The following CD36 variants were observed in gnomAD, a reference collection of about 807,000 sequenced individuals.
CD36 encodes the protein platelet glycoprotein 4.
In CD36, 119 loss-of-function variants were observed where a neutral mutation model predicts 55.2. That is an observed-to-expected ratio of 2.15 (90% CI 1.86 to 2.51). The LOEUF is 2.51. Among genes scored for constraint, CD36 ranks in the 30% most tolerant of loss-of-function variants. The pLI is 0.00. For missense variants in CD36, 819 were observed against 555.5 expected (o/e 1.47, Z -4.77); for synonymous variants, 186 against 193.6 (o/e 0.96, Z 0.33).
intron 6 of CD36, among the ~76,000 whole-genome samples, chr7:80,663,501 A>T (rs552636681): frequency 6.6e-6 from 1 of 152,246 alleles, no homozygotes; most frequent in South Asian, 2.1e-4. Flanking sequence ...CTATTCACAT[A>T]ATCAAGTTTA....
chr7:80,657,467 C>T (rs1263699853), intron 4 of CD36, among the ~76,000 whole-genome samples: 1 of 152,150 alleles, frequency 6.6e-6, no homozygotes, highest in African/African-American at 2.4e-5. Flanking sequence ...TAGTTTAACA[C>T]ACTTTTGAAC....
upstream of CD36, among the ~76,000 whole-genome samples, chr7:80,636,031 A>G (rs1584335380): frequency 6.6e-6 from 1 of 152,160 alleles, no homozygotes; most frequent in Non-Finnish European, 1.5e-5. Context: ...TGCAAAGTTC[A>G]GTGGTGAATT....
intron 1 of CD36, among the ~76,000 whole-genome samples, chr7:80,611,569 C>G (rs182873748): frequency 6.6e-6 from 1 of 152,074 alleles, no homozygotes; most frequent in African/African-American, 2.4e-5. Flanking sequence ...TGTAGTGAAA[C>G]AAGTTCATTA....
At chr7:80,660,453 A>T (rs1796429512) in intron 4 of CD36, among the ~76,000 whole-genome samples, 1 of 152,160 alleles carries the variant, frequency 6.6e-6, no homozygotes. Context: ...AATATAAGAA[A>T]ATGTGCTCTA....
intron 8 of CD36, among the ~76,000 whole-genome samples, chr7:80,668,568 A>G (rs1314010307): frequency 6.6e-6 from 1 of 152,230 alleles, no homozygotes; most frequent in African/African-American, 2.4e-5. Context: ...CTCTGCAAAT[A>G]TCAACTATGT....
At chr7:80,658,034 C>T (rs1007265882) in intron 4 of CD36, among the ~76,000 whole-genome samples, 1 of 152,194 alleles carries the variant, frequency 6.6e-6, no homozygotes, top group African/African-American at 2.4e-5. Context: ...TACCATAGCA[C>T]ATGACATATA....
chr7:80,603,720 T>A (rs2115665264), intron 1 of CD36, among the ~76,000 whole-genome samples: 1 of 150,386 alleles, frequency 6.6e-6, no homozygotes, highest in South Asian at 2.1e-4. Flanking sequence ...ATAAAACAGT[T>A]TTCACCTGGG....
chr7:80,668,772 G>T (rs1456606629), intron 8 of CD36, among the ~76,000 whole-genome samples: 1 of 152,102 alleles, frequency 6.6e-6, no homozygotes, highest in East Asian at 1.9e-4. Context: ...TGAAAACAAG[G>T]TCACAAGGTT....
At chr7:80,614,601 C>T (rs1323752556) in intron 1 of CD36, among the ~76,000 whole-genome samples, 2 of 152,020 alleles carry the variant, frequency 1.3e-5, no homozygotes, top group South Asian at 4.1e-4. Context: ...ATCTTTGCTT[C>T]TTCTTCGCGG....
At chr7:80,637,322 G>A (rs752432438), upstream of CD36, among the ~76,000 whole-genome samples, 10 of 151,578 alleles carry the variant, frequency 6.6e-5, no homozygotes, top group African/African-American at 1.2e-4. Flanking sequence ...ATAAAAGGTC[G>A]CAGTTATTTA....
intron 1 of CD36, among the ~76,000 whole-genome samples, chr7:80,621,672 C>A (rs1192914299): frequency 6.6e-6 from 1 of 152,042 alleles, no homozygotes; most frequent in Admixed American, 6.6e-5. Flanking sequence ...ACTAGAGAAT[C>A]AAAATCATTT....
chr7:80,665,469 A>G (rs1014293349), intron 7 of CD36, among the ~76,000 whole-genome samples: 4 of 96,244 alleles, frequency 4.2e-5, no homozygotes, highest in Non-Finnish European at 1.3e-4. Context: ...CTAGTGGAGT[A>G]CTTTTTCTTC....
At chr7:80,669,562 G>C (rs1714979313) in intron 8 of CD36, among the ~76,000 whole-genome samples, 1 of 151,786 alleles carries the variant, frequency 6.6e-6, no homozygotes, top group South Asian at 2.1e-4. Context: ...CTGGGATTAC[G>C]AGCGCCTATC....
At chr7:80,608,982 GTCC>G (rs1792722781) in intron 1 of CD36, among the ~76,000 whole-genome samples, 1 of 146,088 alleles carries the variant, frequency 6.8e-6, no homozygotes, top group Non-Finnish European at 1.5e-5. Context: ...TTTGATAGGC[GTCC>G]TCTGGCCTTC....
At chr7:80,633,977 T>C (rs1794237188), upstream of CD36, among the ~76,000 whole-genome samples, 1 of 151,814 alleles carries the variant, frequency 6.6e-6, no homozygotes, top group African/African-American at 2.4e-5. Context: ...CTTAATGTAA[T>C]ATCAGGTTAA....
At chr7:80,650,151 A>C (rs772327237) in intron 3 of CD36, among the ~76,000 whole-genome samples, 1 of 151,924 alleles carries the variant, frequency 6.6e-6, no homozygotes, top group Non-Finnish European at 1.5e-5. Context: ...TACAACAGAG[A>C]CTCATAAAAA....
At chr7:80,674,861 A>G (rs925480218) in intron 14 of CD36, among the ~76,000 whole-genome samples, 3 of 152,112 alleles carry the variant, frequency 2.0e-5, no homozygotes, top group African/African-American at 7.2e-5. Context: ...ATAATAACTT[A>G]TTTAGTTGTT....
intron 1 of CD36, among the ~76,000 whole-genome samples, chr7:80,620,806 A>T (rs10480808): frequency 0.47 from 70,861 of 152,062 alleles, 16,883 homozygotes; most frequent in South Asian, 0.71. Flanking sequence ...AAGGGAAATA[A>T]GAACCAGAAA....
At chr7:80,644,841 A>C (rs537184925) in intron 1 of CD36, among the ~76,000 whole-genome samples, 1 of 152,174 alleles carries the variant, frequency 6.6e-6, no homozygotes, top group Non-Finnish European at 1.5e-5. Flanking sequence ...GTAGAGAATA[A>C]TTGTTTATAA....
Sources: gnomAD v4.1 joint callset for allele counts (sites outside exome capture counted in the v4.1 genomes callset) on GRCh38, gnomAD v4.1.1 for gene constraint, MANE v1.5 for transcripts, NCBI Gene and HGNC (gene_info 2026-07-23, HGNC 2026-07-21) for gene names.